The following CTNNA3 variants were observed in gnomAD, a reference collection of about 807,000 sequenced individuals.
CTNNA3 encodes catenin alpha-3.
A neutral mutation model predicts 95.7 loss-of-function variants in CTNNA3; 76 were observed. The ratio of observed to expected loss-of-function variants is 0.79; its 90% CI spans 0.66 to 0.96. The LOEUF is 0.96. Ranked by LOEUF, CTNNA3 falls within the 40% of genes least tolerant of loss-of-function variation. The pLI is 0.00. For synonymous variants in CTNNA3, 431 were observed against 374.4 expected (o/e 1.15, Z -1.74); for missense variants, 1,191 against 1,089.8 (o/e 1.09, Z -1.31).
chr10:67,586,378 T>G (rs1387482439), intron 3 of CTNNA3, among the ~76,000 whole-genome samples: 1 of 152,176 alleles, frequency 6.6e-6, no homozygotes, highest in Non-Finnish European at 1.5e-5. Flanking sequence ...ATTCTCTATC[T>G]CAATAATCTG....
At chr10:67,244,055 T>C (rs1238191046) in intron 5 of CTNNA3, among the ~76,000 whole-genome samples, 1 of 152,208 alleles carries the variant, frequency 6.6e-6, no homozygotes, top group Non-Finnish European at 1.5e-5. Context: ...AATAATTTAC[T>C]TTTCCATGAA....
intron 5 of CTNNA3, among the ~76,000 whole-genome samples, chr10:67,247,498 A>G (rs555092269): frequency 6.6e-6 from 1 of 152,230 alleles, no homozygotes; most frequent in South Asian, 2.1e-4. Flanking sequence ...CATTGAAATG[A>G]ATTAGGCAAG....
At chr10:66,089,725 T>C (rs2081138778) in intron 14 of CTNNA3, among the ~76,000 whole-genome samples, 1 of 151,446 alleles carries the variant, frequency 6.6e-6, no homozygotes. Flanking sequence ...AGGTATTCTC[T>C]GAGTTGAAAT....
At chr10:67,737,607 C>T (rs1841309947) in intron 1 of CTNNA3, among the ~76,000 whole-genome samples, 2 of 152,164 alleles carry the variant, frequency 1.3e-5, no homozygotes, top group African/African-American at 2.4e-5. Context: ...TATGAACAGA[C>T]ACTTCTCAAA....
chr10:67,481,901 A>C (rs1361822994), intron 5 of CTNNA3, among the ~76,000 whole-genome samples: 2 of 151,946 alleles, frequency 1.3e-5, no homozygotes, highest in Non-Finnish European at 2.9e-5. Context: ...TTAAGTCTTT[A>C]ATCCATCGTG....
At chr10:66,818,220 G>C (rs1185241874) in intron 7 of CTNNA3, among the ~76,000 whole-genome samples, 1 of 152,030 alleles carries the variant, frequency 6.6e-6, no homozygotes, top group Non-Finnish European at 1.5e-5. Flanking sequence ...CTAAGATCAG[G>C]AACCTGACAA....
At chr10:66,036,324 C>T (rs988444942) in intron 15 of CTNNA3, among the ~76,000 whole-genome samples, 8 of 152,210 alleles carry the variant, frequency 5.3e-5, no homozygotes, top group Admixed American at 2.0e-4. Flanking sequence ...AGTCTCTAGA[C>T]GGCGAAAACC....
intron 13 of CTNNA3, among the ~76,000 whole-genome samples, chr10:66,215,770 A>G (rs555600936): frequency 5.3e-5 from 8 of 152,314 alleles, no homozygotes; most frequent in African/African-American, 1.9e-4. Flanking sequence ...TTATGTCATG[A>G]TTACACCCAA....
intron 9 of CTNNA3, among the ~76,000 whole-genome samples, chr10:66,718,591 A>C (rs1848528134): frequency 6.6e-6 from 1 of 150,676 alleles, no homozygotes; most frequent in African/African-American, 2.4e-5. Context: ...ATTTATGGTA[A>C]ATAAATTTAT....
rs1313679989 is a variant in CTNNA3 at position 66,537,915 on chromosome 10, T to C, written c.1375-17142A>G. 2.0e-5 allele frequency among the ~76,000 whole-genome samples: 3 copies of C among 152,114 alleles called. 1 individual carries two copies. Among genetic ancestry groups the C allele is most frequent in the Non-Finnish European group, 4.4e-5 (3 of 68,018 alleles). ...TCCCAGGTTTTTCTTTAAGAACTTT[T>C]ACTATATTGAAAGGATAAAAGATCT... On this transcript the variant is annotated intron_variant, in intron 10 of 17. Coordinates refer to ENST00000433211, the MANE Select transcript of CTNNA3 (RefSeq NM_013266.4).
chr10:65,923,296 C>T (rs1389662972), intron 17 of CTNNA3, among the ~76,000 whole-genome samples: 1 of 152,168 alleles, frequency 6.6e-6, no homozygotes, highest in African/African-American at 2.4e-5. Context: ...GTGCCATTTG[C>T]ACCTCAAGAT....
Position 66,069,456 on chromosome 10 carries a change from CT to C in CTNNA3, c.2010del (p.Glu671LysfsTer13), listed in dbSNP as rs751450353. The C allele has an allele frequency of 6.2e-7, 1 of 1,613,054 alleles. No homozygotes were observed. Among genetic ancestry groups the C allele is most frequent in the African/African-American group, 1.3e-5 (1 of 74,984 alleles). ...AKMTQLPEAE[K>X]EKIAEQVADF... ...TCAGCAACTTGCTCAGCAATCTTTTCTTTTTCTGCCTCAGGCAGTTGAGTCA... is the reference window on the plus strand; with the variant it reads ...TCAGCAACTTGCTCAGCAATCTTTTCTTTTCTGCCTCAGGCAGTTGAGTCA... On this transcript the variant is annotated frameshift_variant, in exon 15 of 18. Transcript: ENST00000433211. LOFTEE classifies it high-confidence loss of function.
At chr10:66,055,650 G>A (rs796630647) in intron 15 of CTNNA3, among the ~76,000 whole-genome samples, 16 of 152,154 alleles carry the variant, frequency 1.1e-4, no homozygotes, top group South Asian at 4.2e-4. Flanking sequence ...TCGGCCGGGC[G>A]TGATGGCTTA....
chr10:67,084,331 T>C (rs1180613806), intron 7 of CTNNA3, among the ~76,000 whole-genome samples: 1 of 152,084 alleles, frequency 6.6e-6, no homozygotes, highest in Non-Finnish European at 1.5e-5. Context: ...CCAAAGATGC[T>C]CCTGTTGGGC....
At chr10:67,013,584 T>C (rs550857882) in intron 7 of CTNNA3, among the ~76,000 whole-genome samples, 45 of 152,310 alleles carry the variant, frequency 3.0e-4, no homozygotes, top group African/African-American at 1.0e-3. Flanking sequence ...AGCACAGTTA[T>C]ACTTGTTGAT....
chr10:67,132,915 G>A (rs75606808), intron 7 of CTNNA3, among the ~76,000 whole-genome samples: 6,113 of 152,026 alleles, frequency 0.04, 342 homozygotes, highest in East Asian at 0.14. Context: ...AGACTGGGAC[G>A]GGTGAGTGGG....
chr10:66,079,976 A>T (rs2080692148), intron 14 of CTNNA3, among the ~76,000 whole-genome samples: 1 of 152,098 alleles, frequency 6.6e-6, no homozygotes, highest in African/African-American at 2.4e-5. Flanking sequence ...TTTGAGTAAT[A>T]TACTACTATT....
chr10:66,615,096 T>C (rs1265149874), intron 10 of CTNNA3, among the ~76,000 whole-genome samples: 2 of 152,056 alleles, frequency 1.3e-5, no homozygotes, highest in African/African-American at 2.4e-5. Context: ...AAACAACTTA[T>C]TCTTTTTCTG....
At chr10:66,963,145 T>A (rs1405248440) in intron 7 of CTNNA3, among the ~76,000 whole-genome samples, 1 of 152,146 alleles carries the variant, frequency 6.6e-6, no homozygotes, top group Non-Finnish European at 1.5e-5. Context: ...ACAAAGCTAG[T>A]ACTTACAGTA....
Sources: gnomAD v4.1 joint callset for allele counts (sites outside exome capture counted in the v4.1 genomes callset) on GRCh38, gnomAD v4.1.1 for gene constraint, MANE v1.5 for transcripts, NCBI Gene and HGNC (gene_info 2026-07-23, HGNC 2026-07-21) for gene names.